SDC2: variants seen among roughly 807,000 people sequenced by gnomAD.
The protein encoded by SDC2 is syndecan-2.
A neutral mutation model predicts 22.2 loss-of-function variants in SDC2; 13 were observed. The ratio of observed to expected loss-of-function variants is 0.59; its 90% CI spans 0.38 to 0.93. SDC2 has a LOEUF of 0.93. SDC2 is among the 40% of genes least tolerant of loss of function. The pLI is 0.00. For missense variants in SDC2, 235 were observed against 246.8 expected (o/e 0.95, Z 0.32); for synonymous variants, 94 against 92.8 (o/e 1.01, Z -0.07).
Position 96,496,670 on chromosome 8 carries a change from T to G in SDC2, c.60+2339T>G, listed in dbSNP as rs111718930. On this transcript the variant is annotated intron_variant, in intron 1 of 4. Coordinates refer to ENST00000302190, the MANE Select transcript of SDC2 (RefSeq NM_002998.4). ...TAATTTGAAAACTGCAACTGTTTCC[T>G]GGGATTTAGAAGTAGTGATTTGGGT... Among the ~76,000 whole-genome samples, 618 of 152,348 alleles carry G rather than the reference T, an allele frequency of 4.1e-3. 5 individuals carry two copies. Among genetic ancestry groups the G allele is most frequent in the African/African-American group, 0.014 (589 of 41,574 alleles).
intron 1 of SDC2, among the ~76,000 whole-genome samples, chr8:96,511,984 G>A (rs1031474531): frequency 6.6e-6 from 1 of 152,162 alleles, no homozygotes; most frequent in Non-Finnish European, 1.5e-5. Flanking sequence ...GGTCTGGTGG[G>A]ATAGCTCTGC....
chr8:96,601,213 C>G (rs1434888356), intron 2 of SDC2, among the ~76,000 whole-genome samples: 2 of 152,148 alleles, frequency 1.3e-5, no homozygotes, highest in East Asian at 3.9e-4. Flanking sequence ...GCTGTGGATA[C>G]TGGTGACCTT....
At chr8:96,583,299 A>T (rs1814622005) in intron 1 of SDC2, among the ~76,000 whole-genome samples, 1 of 147,066 alleles carries the variant, frequency 6.8e-6, no homozygotes, top group Admixed American at 6.9e-5. Flanking sequence ...TGTAATATAC[A>T]ATATATATGA....
intron 1 of SDC2, among the ~76,000 whole-genome samples, chr8:96,535,968 T>C (rs1286689989): frequency 6.6e-6 from 1 of 152,084 alleles, no homozygotes; most frequent in South Asian, 2.1e-4. Flanking sequence ...CTCAGAGGCA[T>C]GGATATAGAA....
intron 1 of SDC2, among the ~76,000 whole-genome samples, chr8:96,577,408 GA>G (rs1389897000): frequency 2.0e-5 from 3 of 152,170 alleles, no homozygotes; most frequent in African/African-American, 7.2e-5. Context: ...TTTTGATCAT[GA>G]ATAGACTATT....
At chr8:96,496,682 G>A (rs1303166403) in intron 1 of SDC2, among the ~76,000 whole-genome samples, 2 of 152,224 alleles carry the variant, frequency 1.3e-5, no homozygotes, top group Non-Finnish European at 1.5e-5. Flanking sequence ...GGATTTAGAA[G>A]TAGTGATTTG....
chr8:96,538,370 C>T (rs1200760196), intron 1 of SDC2, among the ~76,000 whole-genome samples: 1 of 151,616 alleles, frequency 6.6e-6, no homozygotes, highest in East Asian at 1.9e-4. Context: ...CTCTTAAATA[C>T]ACATATTAAC....
chr8:96,535,021 C>T (rs187839629), intron 1 of SDC2, among the ~76,000 whole-genome samples: 11,492 of 143,040 alleles, frequency 0.08, 1,414 homozygotes, highest in African/African-American at 0.28. Flanking sequence ...TTTTTTTTTT[C>T]GAGTCAGAGT....
Position 96,494,138 on chromosome 8 carries a change from C to A in SDC2, c.-134C>A. ...CGCCCCCGAGCCCCGAGCCCGAGTC[C>A]CCGAGCCTGAGCCGCAATCGCTGCG... On this transcript the variant is annotated 5_prime_UTR_variant, in exon 1 of 5. Transcript: ENST00000302190. The A allele has an allele frequency of 1.1e-6, 1 of 911,430 alleles. No individual in the cohort carries two copies. The highest frequency in any genetic ancestry group is 3.1e-5 in the Admixed American group (1 of 32,076). 56.5% of individuals were successfully genotyped at this position (911,430 alleles called of 1,614,324 possible). A position where few individuals can be genotyped will look rare whatever the true frequency, so the allele number is the denominator to read the frequency against.
At position 96,524,299 on chromosome 8, in the gene SDC2, C is replaced by T. The variant is rs143353298; in HGVS notation, c.60+29968C>T. 3.0e-3 allele frequency among the ~76,000 whole-genome samples: 461 copies of T among 152,248 alleles called. 2 individuals carry two copies. Among genetic ancestry groups the T allele is most frequent in the African/African-American group, 0.011 (440 of 41,542 alleles). On this transcript the variant is annotated intron_variant, in intron 1 of 4. Transcript: ENST00000302190. ...AACTTCTTAACGTGCACATACATCA[C>T]TCTGGGGATGTCATTATCATGGCTG...
intron 1 of SDC2, among the ~76,000 whole-genome samples, chr8:96,552,440 A>G (rs1017864612): frequency 3.3e-5 from 5 of 152,156 alleles, no homozygotes; most frequent in African/African-American, 7.2e-5. Flanking sequence ...ATTCTGTTCA[A>G]CCTCTAAAGG....
intron 1 of SDC2, among the ~76,000 whole-genome samples, chr8:96,534,725 C>G (rs956494076): frequency 2.0e-5 from 3 of 152,016 alleles, no homozygotes; most frequent in Non-Finnish European, 4.4e-5. Context: ...GCATGAGCCA[C>G]TGTGCCTGGC....
At chr8:96,501,275 GA>G (rs1331262232) in intron 1 of SDC2, among the ~76,000 whole-genome samples, 1 of 144,380 alleles carries the variant, frequency 6.9e-6, no homozygotes, top group Non-Finnish European at 1.5e-5. Context: ...TTTTTTAAGG[GA>G]AAAGTTAAAT....
intron 1 of SDC2, among the ~76,000 whole-genome samples, chr8:96,572,035 T>C (rs1814404463): frequency 6.6e-6 from 1 of 152,200 alleles, no homozygotes; most frequent in African/African-American, 2.4e-5. Context: ...TTTATCCTTC[T>C]GTTAAAGGCC....
Position 96,576,416 on chromosome 8 carries a change from C to CTTTT in SDC2, c.61-17046_61-17043dup, listed in dbSNP as rs71267268. On this transcript the variant is annotated intron_variant, in intron 1 of 4. Transcript: ENST00000302190. Reference sequence around the variant, plus strand: ...TTTACCAGATTTGCTTTATTATTCTCTTTTTTTTTTTTTTTTTTTTTGAGA... The same window carrying CTTTT: ...TTTACCAGATTTGCTTTATTATTCTCTTTTTTTTTTTTTTTTTTTTTTTTTGAGA... Among the ~76,000 whole-genome samples, 7 of 13,814 alleles carry CTTTT rather than the reference C, an allele frequency of 5.1e-4. 1 individual carries two copies. The highest frequency in any genetic ancestry group is 2.9e-3 in the South Asian group (1 of 344). The allele number at this position is 13,814 out of a possible 152,430, so 9.1% of individuals were successfully genotyped here. A position where few individuals can be genotyped will look rare whatever the true frequency, so the allele number is the denominator to read the frequency against.
intron 1 of SDC2, among the ~76,000 whole-genome samples, chr8:96,507,815 C>CGG (rs1463159300): frequency 6.6e-6 from 1 of 152,198 alleles, no homozygotes; most frequent in African/African-American, 2.4e-5. Context: ...TGCTTTTTTA[C>CGG]CCAATTCCTT....
chr8:96,533,232 G>A (rs1813695455), intron 1 of SDC2, among the ~76,000 whole-genome samples: 1 of 152,084 alleles, frequency 6.6e-6, no homozygotes, highest in Non-Finnish European at 1.5e-5. Flanking sequence ...AGTGTGGAAG[G>A]GGGACCCGAG....
intron 1 of SDC2, among the ~76,000 whole-genome samples, chr8:96,524,666 G>A (rs114368400): frequency 0.023 from 3,453 of 152,256 alleles, 126 homozygotes; most frequent in African/African-American, 0.079. Flanking sequence ...GGTGGCTGGC[G>A]TAATGAACCA....
At chr8:96,545,567 G>A (rs748531582) in intron 1 of SDC2, among the ~76,000 whole-genome samples, 4 of 152,200 alleles carry the variant, frequency 2.6e-5, no homozygotes, top group African/African-American at 4.8e-5. Flanking sequence ...GAATGAGCAC[G>A]TAATATTAGG....
Sources: gnomAD v4.1 joint callset for allele counts (sites outside exome capture counted in the v4.1 genomes callset) on GRCh38, gnomAD v4.1.1 for gene constraint, MANE v1.5 for transcripts, NCBI Gene and HGNC (gene_info 2026-07-23, HGNC 2026-07-21) for gene names.